The following EFCC1 variants were observed in gnomAD, a reference collection of about 807,000 sequenced individuals.
EFCC1 encodes the protein EF-hand and coiled-coil domain containing 1.
In EFCC1, 50 loss-of-function variants were observed where a neutral mutation model predicts 52.1. The ratio of observed to expected loss-of-function variants is 0.96; its 90% CI spans 0.76 to 1.21. EFCC1 has a LOEUF of 1.21. Ranked by LOEUF, EFCC1 falls within the 50% of genes most tolerant of loss-of-function variation. The probability of loss-of-function intolerance (pLI) is 0.00; values close to 1 mark genes in which losing one functional copy is unlikely to be tolerated. For missense variants in EFCC1, 837 were observed against 867.3 expected, an observed-to-expected ratio of 0.97 and a Z score of 0.44; for synonymous variants, 399 against 396.5, an observed-to-expected ratio of 1.01 and a Z score of -0.08.
In EFCC1 at chr3:129,002,328, C is replaced by T. The variant is rs1944825406; in HGVS notation, c.696+4C>T. ...TGCGCGCTGCCTAGCACTGCAGGTG[C>T]GCGCCGGCCACGAAGGGAGGGTGGT... On this transcript the variant is annotated splice_donor_region_variant and intron_variant, in intron 1 of 7. Transcript: ENST00000683648. 1 of 1,512,960 alleles carries T rather than the reference C, an allele frequency of 6.6e-7. No homozygotes were observed. The highest frequency in any genetic ancestry group is 2.1e-5 in the Admixed American group (1 of 47,862). 93.7% of individuals were successfully genotyped at this position (1,512,960 alleles called of 1,614,324 possible).
At chr3:129,036,768 C>T (rs1454326431) in intron 5 of EFCC1, among the ~76,000 whole-genome samples, 1 of 152,218 alleles carries the variant, frequency 6.6e-6, no homozygotes, top group African/African-American at 2.4e-5. Context: ...AGAAACAAAA[C>T]CAGAGAAGAG....
rs890778270 is a variant in EFCC1 at position 129,004,192 on chromosome 3, C to A, written c.980+115C>A. 3.5e-5 allele frequency: 43 copies of A among 1,220,552 alleles called. No homozygotes were observed. In the African/African-American group the frequency reaches 6.6e-4, roughly 19 times the overall value. 75.6% of individuals were successfully genotyped at this position (1,220,552 alleles called of 1,614,324 possible). A position where few individuals can be genotyped will look rare whatever the true frequency, so the allele number is the denominator to read the frequency against. ...TCTCGTGTTCCGCAGTTTCTCCATG[C>A]GTTTATTCATGTATTCTTTCATTCC... On this transcript the variant is annotated intron_variant, in intron 2 of 7. Coordinates refer to ENST00000683648, the MANE Select transcript of EFCC1 (RefSeq NM_001377500.1).
intron 6 of EFCC1, 27 bp from the exon 7 acceptor site, chr3:129,038,804 C>A: frequency 6.2e-7 from 1 of 1,611,638 alleles, no homozygotes; most frequent in South Asian, 1.1e-5. Flanking sequence ...CCAGTCTAAT[C>A]CAGCCTTGTT....
intron 2 of EFCC1, among the ~76,000 whole-genome samples, chr3:129,006,882 C>T (rs1273429816): frequency 6.6e-6 from 1 of 151,986 alleles, no homozygotes; most frequent in African/African-American, 2.4e-5. Context: ...TGCCCCAAAG[C>T]TCTCACTCTG....
In EFCC1 at chr3:129,029,354, G is replaced by A. The variant is rs373774745; in HGVS notation, c.981-1349G>A. 2.0e-4 allele frequency among the ~76,000 whole-genome samples: 31 copies of A among 152,284 alleles called. 2 individuals carry two copies. The highest frequency in any genetic ancestry group is 9.6e-4 in the East Asian group (5 of 5,186). On this transcript the variant is annotated intron_variant, in intron 2 of 7. Coordinates refer to ENST00000683648, the MANE Select transcript of EFCC1 (RefSeq NM_001377500.1). ...TCAGGCCCTTAAAATATCAAGAAAA[G>A]TGATTGGTGGGGTGTAATGTAGGTT...
intron 2 of EFCC1, among the ~76,000 whole-genome samples, chr3:129,015,459 G>A (rs983294298): frequency 2.0e-5 from 3 of 152,064 alleles, no homozygotes; most frequent in African/African-American, 7.2e-5. Flanking sequence ...GAGGTCAGGG[G>A]CCATGCCATT....
chr3:129,027,116 C>T (rs898736076), intron 2 of EFCC1, among the ~76,000 whole-genome samples: 1 of 151,902 alleles, frequency 6.6e-6, no homozygotes, highest in East Asian at 1.9e-4. Flanking sequence ...TCCGCGCCCT[C>T]AGGCAGTCAG....
chr3:129,009,331 C>T (rs543104612), intron 2 of EFCC1, among the ~76,000 whole-genome samples: 1 of 152,302 alleles, frequency 6.6e-6, no homozygotes, highest in African/African-American at 2.4e-5. Context: ...CAGGTACTCA[C>T]GTAGTGTTAC....
chr3:129,002,348 G>T (rs1425010883), intron 1 of EFCC1, 24 bp downstream of exon 1: 1 of 1,510,078 alleles, frequency 6.6e-7, no homozygotes, highest in Non-Finnish European at 8.8e-7. Context: ...ACGAAGGGAG[G>T]GTGGTAACGC....
At chr3:129,015,644 C>T (rs188948900) in intron 2 of EFCC1, among the ~76,000 whole-genome samples, 3 of 152,190 alleles carry the variant, frequency 2.0e-5, no homozygotes, top group South Asian at 2.1e-4. Context: ...CCCTTCCCAC[C>T]GCCATCCCCT....
intron 1 of EFCC1, chr3:129,002,622 C>T (rs1009543804): frequency 4.4e-6 from 2 of 455,586 alleles, no homozygotes; most frequent in Admixed American, 4.4e-5. Flanking sequence ...CCCCTTTAAC[C>T]TAGGAATTGC....
rs751472647 is a variant in EFCC1 at position 129,001,787 on chromosome 3, C to A, written c.159C>A (p.Thr53=). Residue 53 remains threonine, a synonymous_variant, in exon 1 of 8, where the codon ACC becomes ACA. Transcript: ENST00000683648. Reference sequence around the variant, plus strand: ...AGAACGAGATCGTGGTGCTGGCCACCGGCCTGGACCAGTACCTGCAGGAGG... The same window carrying A: ...AGAACGAGATCGTGGTGCTGGCCACAGGCCTGGACCAGTACCTGCAGGAGG... ...GVENEIVVLA[T]GLDQYLQEVF... is the part of the protein sequence containing the mutation. 1.3e-6 allele frequency: 2 copies of A among 1,543,608 alleles called. No individual in the cohort carries two copies. Among genetic ancestry groups the A allele is most frequent in the Middle Eastern group, 3.4e-4 (2 of 5,964 alleles).
chr3:129,004,162 C>T (rs1002094736), intron 2 of EFCC1, 85 bp downstream of exon 2: 10 of 1,342,472 alleles, frequency 7.4e-6, no homozygotes, highest in East Asian at 3.1e-5. Context: ...CCCCCTCCCA[C>T]GCGCTCTCGT....
intron 5 of EFCC1, 72 bp downstream of exon 5, chr3:129,034,401 T>C (rs1484464667): frequency 2.0e-6 from 3 of 1,530,296 alleles, no homozygotes; most frequent in Non-Finnish European, 2.7e-6. Flanking sequence ...TCTGAGGGAT[T>C]GCAGCCAAGT....
At chr3:129,037,986 T>A (rs1029136921) in intron 6 of EFCC1, among the ~76,000 whole-genome samples, 4 of 151,198 alleles carry the variant, frequency 2.6e-5, no homozygotes, top group African/African-American at 9.7e-5. Context: ...ATTGCCAAAG[T>A]CCAGGAGGCA....
chr3:129,031,228 G>A (rs1341530305), intron 3 of EFCC1, among the ~76,000 whole-genome samples: 1 of 152,134 alleles, frequency 6.6e-6, no homozygotes, highest in Non-Finnish European at 1.5e-5. Flanking sequence ...TCAGGGGTTC[G>A]AAACCAGCCT....
At chr3:129,006,947 A>G (rs1008921701) in intron 2 of EFCC1, among the ~76,000 whole-genome samples, 5 of 152,206 alleles carry the variant, frequency 3.3e-5, no homozygotes, top group African/African-American at 4.8e-5. Flanking sequence ...TTGAGCATCA[A>G]CTGCATACCA....
At chr3:129,002,539 T>A in intron 1 of EFCC1, 1 of 963,622 alleles carries the variant, frequency 1.0e-6, no homozygotes. Flanking sequence ...CCTATTCCAT[T>A]CCTGAAAACC....
chr3:129,022,445 C>T (rs182508108), intron 2 of EFCC1, among the ~76,000 whole-genome samples: 1 of 152,294 alleles, frequency 6.6e-6, no homozygotes, highest in East Asian at 1.9e-4. Flanking sequence ...AGCCAGGAGC[C>T]AGGAGTGGCC....
Sources: gnomAD v4.1 joint callset for allele counts (sites outside exome capture counted in the v4.1 genomes callset) on GRCh38, gnomAD v4.1.1 for gene constraint, MANE v1.5 for transcripts, NCBI Gene and HGNC (gene_info 2026-07-23, HGNC 2026-07-21) for gene names.